Variants in ZNF687 observed in about 807,000 individuals in gnomAD.
The protein encoded by ZNF687 is zinc finger protein 687.
A neutral mutation model predicts 71.8 loss-of-function variants in ZNF687; 13 were observed. The ratio of observed to expected loss-of-function variants is 0.18; its 90% CI spans 0.12 to 0.29. The LOEUF is 0.29. Among genes scored for constraint, ZNF687 ranks in the 10% least tolerant of loss-of-function variants. ZNF687 has a pLI of 1.00. For missense variants in ZNF687, 1,412 were observed against 1,625.6 expected (o/e 0.87, Z 2.26); for synonymous variants, 673 against 641.6 (o/e 1.05, Z -0.74).
rs367772559 is a variant in ZNF687, at chr1:151,288,478, T to C, written c.2116-50T>C. ...GCGTTGGGGGCTTGGTTAGAAGTAA[T>C]GGAGACAGGACACTCCTCACCGACT... On this transcript the variant is annotated intron_variant, in intron 2 of 8. Coordinates refer to ENST00000336715, the MANE Select transcript of ZNF687 (RefSeq NM_020832.3). The C allele has an allele frequency of 4.3e-5, 68 of 1,579,176 alleles. No individual in the cohort carries two copies. The African/African-American group carries it at 8.2e-4, about 19-fold the overall frequency.
rs761467784 is a variant in ZNF687, at chr1:151,287,069, G to T, written c.778G>T (p.Val260Leu). 1.2e-6 allele frequency: 2 copies of T among 1,612,774 alleles called. No homozygotes were observed. The highest frequency in any genetic ancestry group is 1.3e-5 in the African/African-American group (1 of 74,880). Reference protein sequence around the residue: ...ASASPPPVAGVPFFKQSPGHQ... With the variant: ...ASASPPPVAGLPFFKQSPGHQ... The stretch of plus-strand genomic sequence containing the variant: ...TGCCTCGCCTCCCCCAGTTGCTGGG[G>T]TGCCCTTCTTCAAGCAGTCTCCAGG... The change falls in exon 2 of 9, where the codon GTG (valine) becomes TTG (leucine). Residue 260 changes from valine to leucine, a missense_variant. By Grantham distance (32) the Val-to-Leu change is conservative. This residue lies in a region of ZNF687 where 490 missense variants were observed against 489.9 expected (regional missense o/e 1.00). Transcript: ENST00000336715. The surrounding 1 kb of genome is among the most constrained non-coding windows in gnomAD (Gnocchi z 5.0).
chr1:151,281,829 C>T, upstream of ZNF687: 1 of 371,278 alleles, frequency 2.7e-6, no homozygotes, highest in East Asian at 7.6e-5. Context: ...TCCACTCCGA[C>T]TCAATGCGGT....
chr1:151,281,951 G>A (rs375721059), upstream of ZNF687: 2 of 1,139,438 alleles, frequency 1.8e-6, no homozygotes, highest in African/African-American at 1.6e-5. Flanking sequence ...GACGCACCTG[G>A]GTGCTCCCCC....
At position 151,289,739 on chromosome 1, in the gene ZNF687, T is replaced by C. The variant is rs1694119971; in HGVS notation, c.2696T>C (p.Leu899Pro). The C allele has an allele frequency of 2.6e-6, 4 of 1,559,484 alleles. No homozygotes were observed. In the East Asian group the frequency reaches 9.6e-5, roughly 37 times the overall value. The part of the protein sequence containing the change: ...TAGKGAGGAL[L>P]TPKTEPEELA... ...GGGAAAGGGGCCGGGGGTGCCCTGC[T>C]GACCCCCAAGACTGAGCCTGAGGAG... is the stretch of plus-strand genomic sequence containing the variant. The change falls in exon 6 of 9, where the codon CTG becomes CCG. Residue 899 changes from leucine (L) to proline (P), a missense_variant. Leu to Pro is a moderately conservative substitution (Grantham distance 98). Transcript: ENST00000336715.
chr1:151,283,196 C>A (rs774905103), intron 1 of ZNF687: 1 of 985,342 alleles, frequency 1.0e-6, no homozygotes, highest in Non-Finnish European at 1.2e-6. Flanking sequence ...AGGACTTGCT[C>A]CCCGCGCCAG....
rs1384043104 is a variant in ZNF687, at chr1:151,287,037, C to T, written c.746C>T (p.Pro249Leu). 3 of 1,608,304 alleles carry T rather than the reference C, an allele frequency of 1.9e-6. No homozygotes were observed. The highest frequency in any genetic ancestry group is 1.3e-5 in the African/African-American group (1 of 74,936). Residue 249 changes from proline (P) to leucine (L), a missense_variant, in exon 2 of 9, where the codon CCT becomes CTT. By Grantham distance (98) the Pro-to-Leu change is moderately conservative. Around this residue, in one of 8 missense-constraint regions of ZNF687, gnomAD observed 490 missense variants for 489.9 expected, o/e 1.00. Coordinates refer to ENST00000336715, the MANE Select transcript of ZNF687 (RefSeq NM_020832.3). The surrounding 1 kb of genome is among the most constrained non-coding windows in gnomAD (Gnocchi z 5.0). ...SGSSPKATDI[P>L]ASASPPPVAG... ...TCCAGCCCTAAGGCCACGGACATCC[C>T]TGCCAGTGCCTCGCCTCCCCCAGTT...
At chr1:151,285,664 T>G in intron 1 of ZNF687, 1 of 152,484 alleles carries the variant, frequency 6.6e-6, no homozygotes, top group South Asian at 2.1e-4. Flanking sequence ...CGCCCGCCTC[T>G]GCCTCCCCAA....
chr1:151,288,281 G>A lies in ZNF687; in HGVS notation c.1990G>A (p.Ala664Thr). 1.9e-6 allele frequency: 3 copies of A among 1,613,588 alleles called. No individual in the cohort carries two copies. Among genetic ancestry groups the A allele is most frequent in the African/African-American group, 2.7e-5 (2 of 75,050 alleles). The change falls in exon 2 of 9, where the codon GCC (alanine) becomes ACC (threonine). Residue 664 changes from alanine (A) to threonine (T), a missense_variant. Physicochemically the swap from Ala to Thr is moderately conservative, Grantham distance 58 (BLOSUM62 0). This residue lies in a region of ZNF687 where 207 missense variants were observed against 239.2 expected (regional missense o/e 0.87). Coordinates refer to ENST00000336715, the MANE Select transcript of ZNF687 (RefSeq NM_020832.3). ...GCCGCTCTCCACAGAGCCGCCTGCT[G>A]CCCCGGCCACCTCTGCTTACACATG... ...VLPLSTEPPA[A>T]PATSAYTCFR...
At position 151,290,319 on chromosome 1, in the gene ZNF687, T is replaced by C. The variant is rs989332522; in HGVS notation, c.3077+85T>C. 4.4e-6 allele frequency: 7 copies of C among 1,608,288 alleles called. No individual in the cohort carries two copies. The African/African-American group carries it at 8.0e-5, about 18-fold the overall frequency. On this transcript the variant is annotated intron_variant, in intron 7 of 8. Transcript: ENST00000336715. ...AGTACCTGTGCACCTGCGACGTGTCTAAGTGGCCTGATGGTTGGGGTCTCC... is the reference window on the plus strand; with the variant it reads ...AGTACCTGTGCACCTGCGACGTGTCCAAGTGGCCTGATGGTTGGGGTCTCC...
In ZNF687 at chr1:151,289,122, G is replaced by A; in HGVS notation, c.2322G>A (p.Gly774=). ...YRCPSCSVVF[G]GVNSIKSHIQ... ...GCCCCAGCTGTTCAGTGGTGTTTGG[G>A]GGTGTGAACTCCATCAAGTCCCACA... is the stretch of plus-strand genomic sequence containing the variant. The change falls in exon 4 of 9, where the codon GGG becomes GGA. Residue 774 remains glycine (G), a synonymous_variant. Transcript: ENST00000336715. The A allele has an allele frequency of 6.2e-7, 1 of 1,614,108 alleles. No homozygotes were observed. The highest frequency in any genetic ancestry group is 8.5e-7 in the Non-Finnish European group (1 of 1,180,000).
chr1:151,288,684 GTC>G lies in ZNF687; in HGVS notation c.2277_2278del (p.Arg760ProfsTer99). The G allele has an allele frequency of 6.2e-7, 1 of 1,613,474 alleles. No homozygotes were observed. Among genetic ancestry groups the G allele is most frequent in the Non-Finnish European group, 8.5e-7 (1 of 1,179,654 alleles). On this transcript the variant is annotated frameshift_variant, in exon 3 of 9. Coordinates refer to ENST00000336715, the MANE Select transcript of ZNF687 (RefSeq NM_020832.3). LOFTEE classifies it high-confidence loss of function. ...QTHLREACLH[V>X]SRRVGYRCPS... is the part of the protein sequence containing the mutation. ...CCATCTCCGGGAGGCCTGTCTGCACGTCTCTCGCCGTGTAGGATACAGGTGCC... is the reference window on the plus strand; with the variant it reads ...CCATCTCCGGGAGGCCTGTCTGCACGTCTCGCCGTGTAGGATACAGGTGCC...
Position 151,286,827 on chromosome 1 carries a change from C to T in ZNF687, c.536C>T (p.Pro179Leu), listed in dbSNP as rs1013805694. The change falls in exon 2 of 9, where the codon CCC becomes CTC. Residue 179 changes from proline to leucine, a missense_variant. Around this residue, in one of 8 missense-constraint regions of ZNF687, gnomAD observed 490 missense variants for 489.9 expected, o/e 1.00. Transcript: ENST00000336715. The part of the protein sequence containing the change: ...EPGDHSDPLP[P>L]SAPSPTREGA... ...GGGGACCACTCAGATCCGCTGCCTC[C>T]CTCTGCACCCTCTCCCACTCGGGAG... 4 of 1,614,054 alleles carry T rather than the reference C, an allele frequency of 2.5e-6. No individual in the cohort carries two copies. The highest frequency in any genetic ancestry group is 8.5e-7 in the Non-Finnish European group (1 of 1,180,020).
At position 151,288,719 on chromosome 1, in the gene ZNF687, C is replaced by G. The variant is rs751945426; in HGVS notation, c.2294+13C>G. 2 of 1,605,270 alleles carry G rather than the reference C, an allele frequency of 1.2e-6. No individual in the cohort carries two copies. The highest frequency in any genetic ancestry group is 2.7e-5 in the African/African-American group (2 of 74,876). On this transcript the variant is annotated intron_variant, in intron 3 of 8. Transcript: ENST00000336715. The stretch of plus-strand genomic sequence containing the variant: ...GTGTAGGATACAGGTGCCTCGGACC[C>G]TTCCTCCATAGAACTGTAGGGTTTC...
chr1:151,290,742 T>TCTGA lies in ZNF687; in HGVS notation c.3250_3253dup (p.Ser1085Ter), dbSNP rs751517580. On this transcript the variant is annotated frameshift_variant, in exon 9 of 9. Coordinates refer to ENST00000336715, the MANE Select transcript of ZNF687 (RefSeq NM_020832.3). LOFTEE classifies it low-confidence loss of function (END_TRUNC). ...GCCAGGTCGGAAACGCCGCCAGTCT[T>TCTGA]CTGACTCTTGCAGTGAGGAGCCTGA... 1 of 1,609,836 alleles carries TCTGA rather than the reference T, an allele frequency of 6.2e-7. No individual in the cohort carries two copies. Among genetic ancestry groups the TCTGA allele is most frequent in the African/African-American group, 1.3e-5 (1 of 74,762 alleles).
At chr1:151,286,197 T>C (rs1045912180) in intron 1 of ZNF687, 78 bp from the exon 2 acceptor site, 1 of 1,220,962 alleles carries the variant, frequency 8.2e-7, no homozygotes, top group Non-Finnish European at 1.1e-6. Flanking sequence ...AGGATAAATA[T>C]GGAGATGCTG....
chr1:151,288,215 T>A lies in ZNF687; in HGVS notation c.1924T>A (p.Ser642Thr), dbSNP rs1305634641. The A allele has an allele frequency of 2.5e-5, 40 of 1,613,452 alleles. 1 individual carries two copies. Among genetic ancestry groups the A allele is most frequent in the South Asian group, 2.1e-4 (19 of 91,080 alleles). Residue 642 changes from serine (S) to threonine (T), a missense_variant, in exon 2 of 9, where the codon TCC becomes ACC. By Grantham distance (58) the Ser-to-Thr change is moderately conservative. Transcript: ENST00000336715. Reference protein sequence around the residue: ...ALGKGEGAITSSAITTVAAEA... With the variant: ...ALGKGEGAITTSAITTVAAEA... ...GGGCAAGGGTGAGGGGGCCATCACC[T>A]CCTCTGCCATTACTACAGTTGCTGC...
Position 151,289,403 on chromosome 1 carries a change from G to T in ZNF687, c.2497G>T (p.Asp833Tyr). The T allele has an allele frequency of 6.2e-7, 1 of 1,614,188 alleles. No homozygotes were observed. The highest frequency in any genetic ancestry group is 8.5e-7 in the Non-Finnish European group (1 of 1,180,050). The change falls in exon 5 of 9, where the codon GAC becomes TAC. Residue 833 changes from aspartate (D) to tyrosine (Y), a missense_variant. This residue lies in a region of ZNF687 where 106 missense variants were observed against 146.0 expected (regional missense o/e 0.73). Transcript: ENST00000336715. The part of the protein sequence containing the change: ...AKLIYKCAMC[D>Y]TVFTHKPLLS... ...GCTGATCTACAAGTGCGCCATGTGC[G>T]ACACAGTCTTCACTCACAAACCCCT...
Position 151,287,185 on chromosome 1 carries a change from C to T in ZNF687, c.894C>T (p.Ser298=). 2 of 1,614,126 alleles carry T rather than the reference C, an allele frequency of 1.2e-6. No individual in the cohort carries two copies. Among genetic ancestry groups the T allele is most frequent in the Non-Finnish European group, 1.7e-6 (2 of 1,179,998 alleles). ...ATGAGGGGCCAGTGGACAAGTCTTC[C>T]CCAGGAAGTCCCCAGAGTCCCTCTA... ...DDDEGPVDKS[S]PGSPQSPSSG... The change falls in exon 2 of 9, where the codon TCC becomes TCT. Residue 298 remains serine (S), a synonymous_variant. Coordinates refer to ENST00000336715, the MANE Select transcript of ZNF687 (RefSeq NM_020832.3). This position sits in a 1 kb window ranked among gnomAD's most constrained non-coding sequence, Gnocchi z 5.0.
At chr1:151,281,763 G>T, upstream of ZNF687, 1 of 380,190 alleles carries the variant, frequency 2.6e-6, no homozygotes. Context: ...CTTCTGTACG[G>T]CATCAGTGAC....
Sources: allele counts gnomAD v4.1 joint callset, GRCh38; gene constraint gnomAD v4.1.1; regional missense constraint gnomAD v4.1.1; non-coding constraint Gnocchi (gnomAD v3.1); transcripts MANE v1.5; gene names NCBI Gene and HGNC (gene_info 2026-07-23, HGNC 2026-07-21).